Variants in TG observed in about 807,000 individuals in gnomAD.
The protein encoded by TG is thyroglobulin.
TG carries 270 observed loss-of-function variants against 324.7 expected under a neutral mutation model. That is an observed-to-expected ratio of 0.83 (90% CI 0.75 to 0.92). The LOEUF is 0.92. Among genes scored for constraint, TG ranks in the 40% least tolerant of loss-of-function variants. The probability of loss-of-function intolerance (pLI) is 0.00; values close to 1 mark genes in which losing one functional copy is unlikely to be tolerated. For missense variants in TG, 3,591 were observed against 3,456.4 expected (o/e 1.04, Z -0.98); for synonymous variants, 1,401 against 1,327.0 (o/e 1.06, Z -1.21).
At chr8:132,979,456 G>A (rs573613747) in intron 34 of TG, among the ~76,000 whole-genome samples, 5 of 152,322 alleles carry the variant, frequency 3.3e-5, no homozygotes, top group African/African-American at 9.6e-5. Flanking sequence ...TTCTAATTAT[G>A]TGTCTCTGCA....
rs755268298 is a variant in TG at position 132,971,862 on chromosome 8, C to T, written c.6044C>T (p.Ser2015Phe). The change falls in exon 33 of 48, where the codon TCC (serine) becomes TTC (phenylalanine). Residue 2015 changes from serine to phenylalanine, a missense_variant. Ser to Phe is a radical substitution (Grantham distance 155). Coordinates refer to ENST00000220616, the MANE Select transcript of TG (RefSeq NM_003235.5). ...ACTGGCTTTGGATTTCTAAATGTTT[C>T]CCAGTTAAAAGGTAATAATGGTAAC... ...CCTGFGFLNV[S>F]QLKGGEVTCL... 1 of 1,611,888 alleles carries T rather than the reference C, an allele frequency of 6.2e-7. No homozygotes were observed. The highest frequency in any genetic ancestry group is 8.5e-7 in the Non-Finnish European group (1 of 1,178,004).
chr8:132,887,558 T>C lies in TG; in HGVS notation c.2176+10T>C. Reference sequence around the variant, plus strand: ...GGGAAGCCCAAGAAATGTAAGTCTGTTGGGTATTCAATCTGTAGGTTCCCT... The same window carrying C: ...GGGAAGCCCAAGAAATGTAAGTCTGCTGGGTATTCAATCTGTAGGTTCCCT... On this transcript the variant is annotated intron_variant, in intron 9 of 47. Transcript: ENST00000220616. 3 of 1,614,196 alleles carry C rather than the reference T, an allele frequency of 1.9e-6. No individual in the cohort carries two copies. The highest frequency in any genetic ancestry group is 2.5e-6 in the Non-Finnish European group (3 of 1,180,044).
chr8:133,012,017 C>G lies in TG; in HGVS notation c.6379C>G (p.Arg2127Gly). The change falls in exon 36 of 48, where the codon CGA becomes GGA. Residue 2127 changes from arginine (R) to glycine (G), a missense_variant. Arg to Gly is a moderately radical substitution (Grantham distance 125). Coordinates refer to ENST00000220616, the MANE Select transcript of TG (RefSeq NM_003235.5). ...TAATSNFSAV[R>G]DLCLSECSQH... is the part of the protein sequence containing the mutation. The stretch of plus-strand genomic sequence containing the variant: ...TGCCACCAGCAATTTCTCTGCTGTC[C>G]GAGACCTCTGTTTGTCGGGTAAGGG... 1.2e-6 allele frequency: 2 copies of G among 1,614,168 alleles called. No individual in the cohort carries two copies. The highest frequency in any genetic ancestry group is 1.1e-5 in the South Asian group (1 of 91,088).
intron 41 of TG, among the ~76,000 whole-genome samples, chr8:133,062,199 T>C (rs919915745): frequency 4.6e-5 from 7 of 152,156 alleles, no homozygotes; most frequent in Non-Finnish European, 8.8e-5. Flanking sequence ...TCTTTCTTCA[T>C]GCTTGCCCCT....
At chr8:132,946,358 C>G (rs1456158635) in intron 26 of TG, among the ~76,000 whole-genome samples, 2 of 152,154 alleles carry the variant, frequency 1.3e-5, no homozygotes, top group African/African-American at 4.8e-5. Context: ...CAAGTTTAAC[C>G]TGTGATCTGT....
At chr8:132,868,857 T>C (rs575961721) in intron 2 of TG, among the ~76,000 whole-genome samples, 4 of 152,334 alleles carry the variant, frequency 2.6e-5, no homozygotes, top group African/African-American at 9.6e-5. Flanking sequence ...TCCTTTGCAA[T>C]GTGCATGCAT....
chr8:133,039,985 A>G lies in TG; in HGVS notation c.7239+9962A>G. 3 of 1,545,192 alleles carry G rather than the reference A, an allele frequency of 1.9e-6. No individual in the cohort carries two copies. The South Asian group carries it at 3.6e-5, about 18-fold the overall frequency. Reference sequence around the variant, plus strand: ...CACACACACACACACACACATACACACACCATACTCACCTGGACACTCTCC... The same window carrying G: ...CACACACACACACACACACATACACGCACCATACTCACCTGGACACTCTCC... On this transcript the variant is annotated intron_variant, in intron 41 of 47. Transcript: ENST00000220616.
intron 45 of TG, among the ~76,000 whole-genome samples, chr8:133,128,540 T>C (rs974092930): frequency 1.3e-5 from 2 of 152,130 alleles, no homozygotes; most frequent in African/African-American, 4.8e-5. Flanking sequence ...ATATACCATA[T>C]GGGAGGCTGA....
intron 35 of TG, among the ~76,000 whole-genome samples, chr8:132,993,103 C>T (rs1218466164): frequency 2.6e-5 from 4 of 152,222 alleles, no homozygotes; most frequent in African/African-American, 9.6e-5. Flanking sequence ...GGGTTCTTCA[C>T]ATTTAGCAAA....
chr8:133,020,556 G>A (rs871162), intron 39 of TG, among the ~76,000 whole-genome samples: 28,838 of 152,070 alleles, frequency 0.19, 2,997 homozygotes, highest in Middle Eastern at 0.26. Context: ...CACAGAACAG[G>A]ACAAATGAAC....
At chr8:133,134,428 A>G (rs1230979896) in intron 47 of TG, among the ~76,000 whole-genome samples, 1 of 152,072 alleles carries the variant, frequency 6.6e-6, no homozygotes, top group Admixed American at 6.5e-5. Flanking sequence ...TAGATTTTCA[A>G]CTCTGCTTTT....
intron 35 of TG, chr8:132,983,892 C>T (rs1362109311): frequency 8.5e-6 from 2 of 235,442 alleles, no homozygotes; most frequent in Non-Finnish European, 8.4e-6. Context: ...GTCCAGGAGC[C>T]CAGGTGCCCA....
intron 37 of TG, 123 bp from the exon 38 acceptor site, chr8:133,017,655 C>T (rs1481752975): frequency 1.1e-6 from 1 of 935,358 alleles, no homozygotes. Flanking sequence ...GAATGATTGA[C>T]ATTTTCAAGG....
intron 5 of TG, among the ~76,000 whole-genome samples, chr8:132,876,062 C>CTTGGGG: frequency 6.6e-6 from 1 of 151,948 alleles, no homozygotes; most frequent in African/African-American, 2.4e-5. Flanking sequence ...GCATGTGAAG[C>CTTGGGG]TTGGGGTTGG....
intron 6 of TG, 29 bp from the exon 7 acceptor site, chr8:132,882,440 T>C (rs1377884919): frequency 2.5e-6 from 4 of 1,613,948 alleles, no homozygotes; most frequent in Non-Finnish European, 3.4e-6. Flanking sequence ...AATGAGACCA[T>C]CTCTGAAAGT....
intron 41 of TG, among the ~76,000 whole-genome samples, chr8:133,090,820 G>T (rs1482202434): frequency 1.3e-5 from 2 of 152,136 alleles, no homozygotes; most frequent in Non-Finnish European, 2.9e-5. Context: ...TAAAACCCCA[G>T]TCTATCTGGA....
intron 42 of TG, 23 bp from the exon 43 acceptor site, chr8:133,096,183 G>T (rs1245725628): frequency 1.2e-6 from 2 of 1,614,096 alleles, no homozygotes; most frequent in South Asian, 2.2e-5. Context: ...CAGGACAACT[G>T]ATTATTGTTG....
At chr8:132,892,971 GTA>G (rs1816462827) in intron 10 of TG, among the ~76,000 whole-genome samples, 1 of 149,800 alleles carries the variant, frequency 6.7e-6, no homozygotes, top group Admixed American at 6.7e-5. Context: ...TGTGTGGTGT[GTA>G]TGTGTGTGGT....
At chr8:132,911,353 C>A in intron 18 of TG, 24 bp from the exon 19 acceptor site, 1 of 1,614,172 alleles carries the variant, frequency 6.2e-7, no homozygotes, top group Non-Finnish European at 8.5e-7. Flanking sequence ...TGTTCTTGAG[C>A]TGAAAGTGTC....
Sources: gnomAD v4.1 joint callset for allele counts (sites outside exome capture counted in the v4.1 genomes callset) on GRCh38, gnomAD v4.1.1 for gene constraint, MANE v1.5 for transcripts, NCBI Gene and HGNC (gene_info 2026-07-23, HGNC 2026-07-21) for gene names.